Variants in KLF13 observed in about 807,000 individuals in gnomAD.
KLF13 encodes the protein KLF transcription factor 13.
In KLF13, 8 loss-of-function variants were observed where a neutral mutation model predicts 16.7. That is an observed-to-expected ratio of 0.48 (90% CI 0.28 to 0.87). The LOEUF (loss-of-function observed/expected upper bound fraction) is 0.87, where lower values mean the gene tolerates loss of function less well. Ranked by LOEUF, KLF13 falls within the 40% of genes least tolerant of loss-of-function variation. The probability of loss-of-function intolerance (pLI) is 0.10; values close to 1 mark genes in which losing one functional copy is unlikely to be tolerated. For synonymous variants in KLF13, 245 were observed against 208.4 expected (o/e 1.18, Z -1.51); for missense variants, 447 against 452.2 (o/e 0.99, Z 0.10).
At position 31,327,400 on chromosome 15, in the gene KLF13, T is replaced by A; in HGVS notation, c.188T>A (p.Val63Glu). Residue 63 changes from valine to glutamate, a missense_variant, in exon 1 of 2, where the codon GTG becomes GAG. Transcript: ENST00000307145. ...GGTAAGGACAGCGCCTCGCTCTTCG[T>A]GGTGGCGCGGATCCTAGCGGACCTC... ...RDGKDSASLF[V>E]VARILADLNQ... 1 of 1,262,410 alleles carries A rather than the reference T, an allele frequency of 7.9e-7. No individual in the cohort carries two copies. The highest frequency in any genetic ancestry group is 4.0e-5 in the Admixed American group (1 of 24,758). The allele number at this position is 1,262,410 out of a possible 1,614,324, so 78.2% of individuals were successfully genotyped here.
chr15:31,327,331 T>C lies in KLF13; in HGVS notation c.119T>C (p.Val40Ala), dbSNP rs2140924352. 1.6e-6 allele frequency: 2 copies of C among 1,278,566 alleles called. No individual in the cohort carries two copies. Among genetic ancestry groups the C allele is most frequent in the Non-Finnish European group, 2.0e-6 (2 of 1,016,504 alleles). 79.2% of individuals were successfully genotyped at this position (1,278,566 alleles called of 1,614,324 possible). A position where few individuals can be genotyped will look rare whatever the true frequency, so the allele number is the denominator to read the frequency against. ...GAGTCCCGGCCCGAGGGCGCGGCCG[T>C]GGCCGCCACCCCCACGCTGCCCCGC... is the stretch of plus-strand genomic sequence containing the variant. ...GPESRPEGAAVAATPTLPRVE... is the reference protein window; with the variant it reads ...GPESRPEGAAAAATPTLPRVE... Residue 40 changes from valine (V) to alanine (A), a missense_variant, in exon 1 of 2, where the codon GTG becomes GCG. Physicochemically the swap from Val to Ala is moderately conservative, Grantham distance 64. This residue lies in a region of KLF13 where 359 missense variants were observed against 282.8 expected (regional missense o/e 1.27). Coordinates refer to ENST00000307145, the MANE Select transcript of KLF13 (RefSeq NM_015995.4).
intron 2 of KLF13, among the ~76,000 whole-genome samples, chr15:31,395,130 C>G (rs2140986770): frequency 6.6e-6 from 1 of 152,260 alleles, no homozygotes. Flanking sequence ...CAGATGCCCG[C>G]CACCACGCCC....
chr15:31,334,728 T>C (rs2038897775), intron 1 of KLF13, among the ~76,000 whole-genome samples: 1 of 152,162 alleles, frequency 6.6e-6, no homozygotes. Flanking sequence ...ACACCCGACC[T>C]TTTCTTTCCT....
In KLF13 at chr15:31,336,677, A is replaced by G. The variant is rs1290657332; in HGVS notation, c.577+8888A>G. On this transcript the variant is annotated intron_variant, in intron 1 of 1. Coordinates refer to ENST00000307145, the MANE Select transcript of KLF13 (RefSeq NM_015995.4). ...GGTGTCTGCAAGGAATTGTTGGAAA[A>G]GAGATTGGAAATAGAGCGAAGGCGT... 2.0e-5 allele frequency among the ~76,000 whole-genome samples: 3 copies of G among 152,180 alleles called. No individual in the cohort carries two copies. In the East Asian group the frequency reaches 5.8e-4, roughly 29 times the overall value.
chr15:31,336,068 C>G (rs940786381), intron 1 of KLF13, among the ~76,000 whole-genome samples: 1 of 152,200 alleles, frequency 6.6e-6, no homozygotes, highest in Non-Finnish European at 1.5e-5. Flanking sequence ...TCAGAGGAGC[C>G]ACGAGCTTCT....
chr15:31,420,382 C>T, intron 1 of KLF13: 1 of 1,144,340 alleles, frequency 8.7e-7, no homozygotes, highest in Non-Finnish European at 1.3e-6. Context: ...TGCTAGAGTT[C>T]CCCAGTGGCT....
intron 1 of KLF13, among the ~76,000 whole-genome samples, chr15:31,384,386 C>A (rs985572091): frequency 6.6e-6 from 1 of 151,570 alleles, no homozygotes; most frequent in South Asian, 2.1e-4. Context: ...GAGCCGAGAT[C>A]ACACCACTGC....
intron 1 of KLF13, among the ~76,000 whole-genome samples, chr15:31,433,183 A>G (rs967651154): frequency 1.3e-5 from 2 of 152,202 alleles, no homozygotes; most frequent in Admixed American, 6.5e-5. Flanking sequence ...TGCTTAGTCC[A>G]GGGCTGAGTT....
intron 1 of KLF13, 24 bp from the exon 2 acceptor site, chr15:31,371,986 G>A: frequency 6.3e-7 from 1 of 1,580,076 alleles, no homozygotes; most frequent in South Asian, 1.1e-5. Context: ...TGCGGATACT[G>A]ATGCTCTGCC....
chr15:31,423,124 TATATATACGTATACGTATAC>T (rs2040354548), intron 1 of KLF13, among the ~76,000 whole-genome samples: 1 of 117,296 alleles, frequency 8.5e-6, no homozygotes, highest in African/African-American at 6.0e-5. Flanking sequence ...TATATATACG[TATATATACGTATACGTATAC>T]GTATATATAC....
intron 1 of KLF13, among the ~76,000 whole-genome samples, chr15:31,418,313 A>G (rs1250312120): frequency 6.6e-6 from 1 of 152,212 alleles, no homozygotes; most frequent in East Asian, 1.9e-4. Flanking sequence ...CAAAATATCC[A>G]TTTGAAGAAA....
At chr15:31,433,129 T>C (rs530096008) in intron 1 of KLF13, among the ~76,000 whole-genome samples, 1 of 152,298 alleles carries the variant, frequency 6.6e-6, no homozygotes, top group Non-Finnish European at 1.5e-5. Flanking sequence ...TGTTTGATCT[T>C]GTTGGGTCTT....
exon 3 of KLF13, chr15:31,404,437 G>C (rs139320679): frequency 6.6e-6 from 1 of 152,156 alleles, no homozygotes; most frequent in African/African-American, 2.4e-5. Flanking sequence ...ATTGTAAAAC[G>C]CACCAATCAG....
chr15:31,373,864 G>A lies in KLF13; in HGVS notation c.*1565G>A, dbSNP rs1351725923. 6 of 149,438 alleles carry A rather than the reference G, an allele frequency of 4.0e-5. No homozygotes were observed. Among genetic ancestry groups the A allele is most frequent in the Non-Finnish European group, 7.4e-5 (5 of 67,346 alleles). 9.3% of individuals were successfully genotyped at this position (149,438 alleles called of 1,614,324 possible). A position where few individuals can be genotyped will look rare whatever the true frequency, so the allele number is the denominator to read the frequency against. On this transcript the variant is annotated 3_prime_UTR_variant, in exon 2 of 2. Transcript: ENST00000307145. ...TGTGTGCGTGCGTGTGGGTGTGTGC[G>A]CGCGTGAGCACACACGCGTGTGTTG...
intron 1 of KLF13, among the ~76,000 whole-genome samples, chr15:31,335,909 C>T (rs113333445): frequency 0.033 from 5,008 of 152,330 alleles, 139 homozygotes; most frequent in Non-Finnish European, 0.049. Flanking sequence ...GAGCAAAAAT[C>T]GCTTACCAAA....
In KLF13 at chr15:31,423,099, ACG is replaced by A. The variant is rs1566848052; in HGVS notation, n.118-12270_118-12269del. ...CAATTACATATATATACGTATATAT[ACG>A]TATACGTATACGTATATATACGTAT... On this transcript the variant is annotated intron_variant and non_coding_transcript_variant, in intron 1 of 1. Transcript: ENST00000558225. 4.3e-4 allele frequency among the ~76,000 whole-genome samples: 52 copies of A among 120,788 alleles called. 15 individuals are homozygous for A. The highest frequency in any genetic ancestry group is 1.4e-3 in the South Asian group (5 of 3,590). 79.2% of individuals were successfully genotyped at this position (120,788 alleles called of 152,430 possible). A position where few individuals can be genotyped will look rare whatever the true frequency, so the allele number is the denominator to read the frequency against.
upstream of KLF13, among the ~76,000 whole-genome samples, chr15:31,390,730 T>A (rs1170683333): frequency 6.6e-6 from 1 of 152,158 alleles, no homozygotes; most frequent in Non-Finnish European, 1.5e-5. Context: ...CCCTCTACAT[T>A]CTTTTCTTTT....
downstream of KLF13, among the ~76,000 whole-genome samples, chr15:31,381,526 C>G (rs2039726521): frequency 6.6e-6 from 1 of 152,170 alleles, no homozygotes; most frequent in Non-Finnish European, 1.5e-5. Flanking sequence ...TGCCCCCAAC[C>G]CTGAACTAGT....
At chr15:31,402,167 G>A (rs2040046657) in intron 2 of KLF13, among the ~76,000 whole-genome samples, 1 of 152,226 alleles carries the variant, frequency 6.6e-6, no homozygotes, top group South Asian at 2.1e-4. Flanking sequence ...GGGCTGTGGG[G>A]GCCGGGCATG....
Sources: gnomAD v4.1 joint callset for allele counts (sites outside exome capture counted in the v4.1 genomes callset) on GRCh38, gnomAD v4.1.1 for gene constraint, gnomAD v4.1.1 regional missense constraint, MANE v1.5 for transcripts, NCBI Gene and HGNC (gene_info 2026-07-23, HGNC 2026-07-21) for gene names.